Variants in CDYL2 observed in about 807,000 individuals in gnomAD.
CDYL2 encodes the protein chromodomain Y-like protein 2.
A neutral mutation model predicts 49.4 loss-of-function variants in CDYL2; 23 were observed. The ratio of observed to expected loss-of-function variants is 0.47; its 90% CI spans 0.34 to 0.66. CDYL2 has a LOEUF of 0.66. CDYL2 is among the 30% of genes least tolerant of loss of function. The pLI is 0.01. For synonymous variants in CDYL2, 360 were observed against 268.8 expected (o/e 1.34, Z -3.32); for missense variants, 678 against 656.4 (o/e 1.03, Z -0.36).
At chr16:80,645,267 T>C (rs986554206) in intron 2 of CDYL2, among the ~76,000 whole-genome samples, 7 of 152,148 alleles carry the variant, frequency 4.6e-5, no homozygotes, top group African/African-American at 1.2e-4. Flanking sequence ...ATCCAGAATC[T>C]ACAAAGAACT....
chr16:80,761,559 G>A (rs979610948), intron 1 of CDYL2, among the ~76,000 whole-genome samples: 1 of 152,222 alleles, frequency 6.6e-6, no homozygotes, highest in African/African-American at 2.4e-5. Flanking sequence ...CCTCCCTGTA[G>A]ATCAGAATCA....
chr16:80,697,422 C>T (rs991278150), intron 1 of CDYL2, among the ~76,000 whole-genome samples: 1 of 152,100 alleles, frequency 6.6e-6, no homozygotes, highest in Admixed American at 6.6e-5. Flanking sequence ...GAACGTTCCT[C>T]AACATTATAA....
At chr16:80,614,471 C>T (rs1220966209) in intron 4 of CDYL2, among the ~76,000 whole-genome samples, 1 of 152,236 alleles carries the variant, frequency 6.6e-6, no homozygotes. Flanking sequence ...AATGGGAAGA[C>T]AGCCACAGGC....
At chr16:80,759,225 G>C (rs1350591803) in intron 1 of CDYL2, among the ~76,000 whole-genome samples, 2 of 146,216 alleles carry the variant, frequency 1.4e-5, no homozygotes, top group Non-Finnish European at 3.0e-5. Flanking sequence ...CTATGATATA[G>C]GTTAGTGTCT....
rs1905884872 is a variant in CDYL2 at position 80,745,205 on chromosome 16, T to C, written c.24+58945A>G. ...CTGCCCGAGGGTCCCCCAGCTAGAA[T>C]GCAGGGGCCTGAGGGTTTTTAACTG... On this transcript the variant is annotated intron_variant, in intron 1 of 6. Coordinates refer to ENST00000570137, the MANE Select transcript of CDYL2 (RefSeq NM_152342.4). Among the ~76,000 whole-genome samples, 4 of 152,286 alleles carry C rather than the reference T, an allele frequency of 2.6e-5. No homozygotes were observed. In the South Asian group the frequency reaches 8.3e-4, roughly 32 times the overall value.
At chr16:80,638,630 C>G (rs1171600245) in intron 2 of CDYL2, among the ~76,000 whole-genome samples, 1 of 151,560 alleles carries the variant, frequency 6.6e-6, no homozygotes, top group African/African-American at 2.4e-5. Context: ...CAGATACATG[C>G]ATCAGTGGTA....
At chr16:80,693,979 T>C (rs938369732) in intron 1 of CDYL2, among the ~76,000 whole-genome samples, 1 of 152,164 alleles carries the variant, frequency 6.6e-6, no homozygotes, top group Non-Finnish European at 1.5e-5. Flanking sequence ...GAAAACTGTG[T>C]TTTAATTGGA....
intron 1 of CDYL2, among the ~76,000 whole-genome samples, chr16:80,753,022 TGTG>T (rs1274169225): frequency 6.6e-6 from 1 of 152,190 alleles, no homozygotes; most frequent in African/African-American, 2.4e-5. Flanking sequence ...AATAATGACA[TGTG>T]GCCTTCAAAA....
chr16:80,737,984 C>T (rs543494919), intron 1 of CDYL2, among the ~76,000 whole-genome samples: 13 of 152,250 alleles, frequency 8.5e-5, no homozygotes, highest in African/African-American at 3.1e-4. Context: ...CTGTCATCTA[C>T]ATTGGGCATT....
chr16:80,714,398 T>C (rs1294716687), intron 1 of CDYL2, among the ~76,000 whole-genome samples: 3 of 152,216 alleles, frequency 2.0e-5, no homozygotes, highest in African/African-American at 7.2e-5. Flanking sequence ...CCTTATTTGA[T>C]TGCTATACAT....
chr16:80,722,669 C>T (rs1029436563), intron 1 of CDYL2, among the ~76,000 whole-genome samples: 1 of 152,138 alleles, frequency 6.6e-6, no homozygotes. Context: ...GACAGACATC[C>T]GAAAACCAGG....
chr16:80,694,094 C>T lies in CDYL2; in HGVS notation c.25-8965G>A, dbSNP rs550957089. Among the ~76,000 whole-genome samples, 6 of 151,892 alleles carry T rather than the reference C, an allele frequency of 4.0e-5. No individual in the cohort carries two copies. The South Asian group carries it at 1.0e-3, about 26-fold the overall frequency. ...TGGAAGACAATTTTTCCACGACGGG[C>T]GGAATGGTTTTAGGATGAAACTGTT... On this transcript the variant is annotated intron_variant, in intron 1 of 6. Coordinates refer to ENST00000570137, the MANE Select transcript of CDYL2 (RefSeq NM_152342.4).
chr16:80,765,977 T>C (rs1906710837), intron 1 of CDYL2, among the ~76,000 whole-genome samples: 2 of 151,372 alleles, frequency 1.3e-5, no homozygotes, highest in African/African-American at 2.4e-5. Flanking sequence ...AGTCTTCTAT[T>C]GTATGATCAC....
intron 2 of CDYL2, among the ~76,000 whole-genome samples, chr16:80,678,862 C>A (rs1170674290): frequency 6.6e-6 from 1 of 151,000 alleles, no homozygotes; most frequent in East Asian, 1.9e-4. Context: ...GGAACCAGCC[C>A]AAATGTCCAA....
rs547413112 is a variant in CDYL2, at chr16:80,764,786, C to T, written c.24+39364G>A. On this transcript the variant is annotated intron_variant, in intron 1 of 6. Coordinates refer to ENST00000570137, the MANE Select transcript of CDYL2 (RefSeq NM_152342.4). ...GAAAGAATTTAGTTCCTCGGCTAGG[C>T]GCGGTGGCTCAAGCCTGTAATCCCA... Among the ~76,000 whole-genome samples, 9 of 151,966 alleles carry T rather than the reference C, an allele frequency of 5.9e-5. No homozygotes were observed. The East Asian group carries it at 7.7e-4, about 13-fold the overall frequency.
chr16:80,740,412 C>A (rs548912527), intron 1 of CDYL2, among the ~76,000 whole-genome samples: 1 of 152,166 alleles, frequency 6.6e-6, no homozygotes, highest in Non-Finnish European at 1.5e-5. Flanking sequence ...TTCAAAAGTA[C>A]AACTATGACC....
chr16:80,660,470 T>C (rs561513113), intron 2 of CDYL2, among the ~76,000 whole-genome samples: 15 of 152,206 alleles, frequency 9.9e-5, no homozygotes, highest in African/African-American at 3.4e-4. Context: ...AATCTACAGC[T>C]AGCTTCTGAG....
intron 1 of CDYL2, among the ~76,000 whole-genome samples, chr16:80,713,992 C>A (rs960011252): frequency 6.6e-6 from 1 of 152,172 alleles, no homozygotes; most frequent in South Asian, 2.1e-4. Flanking sequence ...GTCTTCCCAG[C>A]AGAGGTGCCG....
At chr16:80,675,707 T>C (rs1217298037) in intron 2 of CDYL2, among the ~76,000 whole-genome samples, 2 of 151,562 alleles carry the variant, frequency 1.3e-5, no homozygotes, top group African/African-American at 4.8e-5. Flanking sequence ...TTTATTATTG[T>C]TTTGGAACCC....
Sources: gnomAD v4.1 joint callset for allele counts (sites outside exome capture counted in the v4.1 genomes callset) on GRCh38, gnomAD v4.1.1 for gene constraint, MANE v1.5 for transcripts, NCBI Gene and HGNC (gene_info 2026-07-23, HGNC 2026-07-21) for gene names.